HS6ST3: variants seen among roughly 807,000 people sequenced by gnomAD.
The protein encoded by HS6ST3 is heparan sulfate 6-O-sulfotransferase 3, also known as heparan-sulfate 6-O-sulfotransferase 3.
In HS6ST3, 12 loss-of-function variants were observed where a neutral mutation model predicts 36.7. The ratio of observed to expected loss-of-function variants is 0.33; its 90% confidence interval spans 0.21 to 0.53. The LOEUF is 0.53. Among genes scored for constraint, HS6ST3 ranks in the 20% least tolerant of loss-of-function variants. The probability of loss-of-function intolerance (pLI) is 0.95; values close to 1 mark genes in which losing one functional copy is unlikely to be tolerated. For synonymous variants in HS6ST3, 240 were observed against 257.5 expected, an observed-to-expected ratio of 0.93 and a Z score of 0.65; for missense variants, 584 against 640.9, an observed-to-expected ratio of 0.91 and a Z score of 0.96.
At chr13:96,446,042 G>A (rs1444604480) in intron 1 of HS6ST3, among the ~76,000 whole-genome samples, 1 of 151,480 alleles carries the variant, frequency 6.6e-6, no homozygotes, top group Non-Finnish European at 1.5e-5. Context: ...GCGTGGTGGC[G>A]GGTGCCTGTA....
chr13:96,156,136 A>T (rs2054109507), intron 1 of HS6ST3, among the ~76,000 whole-genome samples: 1 of 152,216 alleles, frequency 6.6e-6, no homozygotes, highest in South Asian at 2.1e-4. Flanking sequence ...ACAGGTATTA[A>T]TTCAGTGAAG....
At chr13:96,706,911 C>T (rs1875442599) in intron 1 of HS6ST3, among the ~76,000 whole-genome samples, 1 of 152,046 alleles carries the variant, frequency 6.6e-6, no homozygotes, top group Non-Finnish European at 1.5e-5. Context: ...AACAGCAGTA[C>T]TCAAACCTGA....
intron 1 of HS6ST3, among the ~76,000 whole-genome samples, chr13:96,580,659 A>G (rs1360817232): frequency 6.6e-6 from 1 of 152,116 alleles, no homozygotes; most frequent in Non-Finnish European, 1.5e-5. Flanking sequence ...CTCTCTTTAA[A>G]TCATGTTCTT....
intron 1 of HS6ST3, among the ~76,000 whole-genome samples, chr13:96,167,034 A>T (rs565853544): frequency 6.6e-6 from 1 of 152,122 alleles, no homozygotes; most frequent in Non-Finnish European, 1.5e-5. Flanking sequence ...AGTCATGCTG[A>T]ACTGGGAGTC....
intron 1 of HS6ST3, among the ~76,000 whole-genome samples, chr13:96,350,228 T>C (rs998158314): frequency 6.6e-6 from 1 of 152,238 alleles, no homozygotes; most frequent in African/African-American, 2.4e-5. Flanking sequence ...CTATTGTTTT[T>C]CATCATGCTC....
intron 1 of HS6ST3, among the ~76,000 whole-genome samples, chr13:96,271,536 C>A (rs1294115648): frequency 6.6e-6 from 1 of 151,776 alleles, no homozygotes; most frequent in African/African-American, 2.4e-5. Context: ...ACTGTTCTTG[C>A]CTTGCTGTAT....
At chr13:96,163,810 A>C (rs931499689) in intron 1 of HS6ST3, among the ~76,000 whole-genome samples, 1 of 152,198 alleles carries the variant, frequency 6.6e-6, no homozygotes, top group Non-Finnish European at 1.5e-5. Flanking sequence ...TTCTCAGTAG[A>C]AGTTCTGAAT....
At chr13:96,105,976 G>A (rs1350666124) in intron 1 of HS6ST3, among the ~76,000 whole-genome samples, 1 of 152,230 alleles carries the variant, frequency 6.6e-6, no homozygotes, top group Non-Finnish European at 1.5e-5. Context: ...GGCATTTGCA[G>A]TAATGAACAA....
chr13:96,228,788 A>G (rs1183821057), intron 1 of HS6ST3, among the ~76,000 whole-genome samples: 1 of 152,190 alleles, frequency 6.6e-6, no homozygotes, highest in African/African-American at 2.4e-5. Context: ...TCAGTCACAT[A>G]AAAACGGATC....
chr13:96,120,070 A>G (rs79866508), intron 1 of HS6ST3, among the ~76,000 whole-genome samples: 4,008 of 152,314 alleles, frequency 0.026, 64 homozygotes, highest in Non-Finnish European at 0.034. Flanking sequence ...CCCTAATTCA[A>G]TATAACTGGC....
At chr13:96,099,056 GC>G (rs1473561863) in intron 1 of HS6ST3, among the ~76,000 whole-genome samples, 2 of 152,094 alleles carry the variant, frequency 1.3e-5, no homozygotes, top group Non-Finnish European at 2.9e-5. Flanking sequence ...CAATTCTCCT[GC>G]CTCAGCCTCC....
chr13:96,613,340 G>T (rs1293852038), intron 1 of HS6ST3, among the ~76,000 whole-genome samples: 2 of 152,198 alleles, frequency 1.3e-5, no homozygotes, highest in Non-Finnish European at 2.9e-5. Flanking sequence ...GCACAGAGAG[G>T]TTAAATAAAT....
intron 1 of HS6ST3, among the ~76,000 whole-genome samples, chr13:96,539,070 G>A (rs1489188795): frequency 6.6e-6 from 1 of 152,136 alleles, no homozygotes. Flanking sequence ...GTTTCTCAGG[G>A]AAGTATTTTC....
intron 1 of HS6ST3, among the ~76,000 whole-genome samples, chr13:96,411,847 A>C (rs1357789707): frequency 6.6e-6 from 1 of 152,086 alleles, no homozygotes; most frequent in Non-Finnish European, 1.5e-5. Context: ...GAATAGGGGG[A>C]GTGAGTGATA....
At chr13:96,791,731 A>G (rs1022487494) in intron 1 of HS6ST3, among the ~76,000 whole-genome samples, 3 of 151,958 alleles carry the variant, frequency 2.0e-5, no homozygotes, top group African/African-American at 7.2e-5. Context: ...ATCTACTTGG[A>G]TTTCAGTTTG....
chr13:96,713,742 A>G (rs1875626034), intron 1 of HS6ST3, among the ~76,000 whole-genome samples: 1 of 152,082 alleles, frequency 6.6e-6, no homozygotes, highest in South Asian at 2.1e-4. Context: ...TAAGTTCTTT[A>G]TCTTTAGAGT....
At chr13:96,661,321 T>C (rs2056645618) in intron 1 of HS6ST3, among the ~76,000 whole-genome samples, 1 of 152,184 alleles carries the variant, frequency 6.6e-6, no homozygotes, top group Non-Finnish European at 1.5e-5. Flanking sequence ...GGTGCTCCAG[T>C]ATTGGGTGCA....
At chr13:96,629,841 T>C (rs76647943) in intron 1 of HS6ST3, among the ~76,000 whole-genome samples, 3 of 152,094 alleles carry the variant, frequency 2.0e-5, no homozygotes, top group African/African-American at 7.2e-5. Flanking sequence ...GTTTTTTTTT[T>C]CCTACCAATT....
intron 1 of HS6ST3, among the ~76,000 whole-genome samples, chr13:96,727,412 C>T (rs935197346): frequency 2.0e-5 from 3 of 152,000 alleles, no homozygotes; most frequent in African/African-American, 7.2e-5. Context: ...TTATCATTAA[C>T]ATTTCAAACT....
Sources: gnomAD v4.1 joint callset for allele counts (sites outside exome capture counted in the v4.1 genomes callset) on GRCh38, gnomAD v4.1.1 for gene constraint, MANE v1.5 for transcripts, NCBI Gene and HGNC (gene_info 2026-07-23, HGNC 2026-07-21) for gene names.